The following CLXN variants were observed in gnomAD, a reference collection of about 807,000 sequenced individuals.
CLXN encodes calaxin.
chr8:48,720,812 G>A, the CLXN span, among the ~76,000 whole-genome samples: 1 of 152,128 alleles, frequency 6.6e-6, no homozygotes, highest in Non-Finnish European at 1.5e-5. Context: ...TGAGACTCAG[G>A]TGGGCATCAT....
At chr8:48,734,957 G>T in the CLXN span, 2 of 968,946 alleles carry the variant, frequency 2.1e-6, no homozygotes, top group Non-Finnish European at 3.1e-6. Context: ...TGCTTAAGGG[G>T]CCGGGGTGGA....
the CLXN span, among the ~76,000 whole-genome samples, chr8:48,734,296 A>G: frequency 6.6e-6 from 1 of 152,192 alleles, no homozygotes; most frequent in African/African-American, 2.4e-5. Flanking sequence ...GCTCGACAGG[A>G]AATTATCTTC....
At chr8:48,731,301 T>C in the CLXN span, 16 of 1,524,074 alleles carry the variant, frequency 1.0e-5, no homozygotes, top group East Asian at 2.4e-5. Context: ...CCTTTTTTTT[T>C]CAGTTATGGC....
chr8:48,726,503 T>A, the CLXN span, among the ~76,000 whole-genome samples: 2 of 138,668 alleles, frequency 1.4e-5, no homozygotes, highest in African/African-American at 5.5e-5. Context: ...CATCCATCCA[T>A]CCATCCATCC....
the CLXN span, among the ~76,000 whole-genome samples, chr8:48,732,975 G>A: frequency 3.3e-5 from 5 of 152,272 alleles, no homozygotes; most frequent in East Asian, 9.6e-4. Context: ...CATTTAATGG[G>A]TAGAGTTTCC....
At chr8:48,729,020 T>C in the CLXN span, 14 of 1,570,380 alleles carry the variant, frequency 8.9e-6, no homozygotes, top group East Asian at 3.2e-4. Context: ...TGATTACCGT[T>C]CAGGGAAAGT....
chr8:48,722,258 T>C, the CLXN span, among the ~76,000 whole-genome samples: 1 of 152,168 alleles, frequency 6.6e-6, no homozygotes, highest in East Asian at 1.9e-4. Context: ...CAGAGGCTAT[T>C]ATCACTAAGA....
the CLXN span, among the ~76,000 whole-genome samples, chr8:48,732,552 T>A: frequency 6.6e-6 from 1 of 152,308 alleles, no homozygotes; most frequent in African/African-American, 2.4e-5. Context: ...TGTTAGTCAC[T>A]GTGGAAAACA....
At chr8:48,719,058 A>G in the CLXN span, among the ~76,000 whole-genome samples, 8 of 152,116 alleles carry the variant, frequency 5.3e-5, no homozygotes, top group East Asian at 7.7e-4. Flanking sequence ...AGACTAAGAA[A>G]AAAAAAAGAC....
At chr8:48,727,960 G>A in the CLXN span, among the ~76,000 whole-genome samples, 7 of 152,182 alleles carry the variant, frequency 4.6e-5, no homozygotes, top group Non-Finnish European at 1.0e-4. Flanking sequence ...CTGGGCGTAT[G>A]TGGTTGCCAC....
At chr8:48,730,429 A>C in the CLXN span, 1 of 584,126 alleles carries the variant, frequency 1.7e-6, no homozygotes, top group East Asian at 3.2e-5. Context: ...AAACCAACTA[A>C]CCAGCCAACC....
At chr8:48,731,520 GA>G in the CLXN span, 1 of 1,570,648 alleles carries the variant, frequency 6.4e-7, no homozygotes, top group Non-Finnish European at 8.6e-7. Flanking sequence ...TAATAAAATA[GA>G]TATAACAAAA....
At chr8:48,733,490 CT>C in the CLXN span, among the ~76,000 whole-genome samples, 1 of 152,294 alleles carries the variant, frequency 6.6e-6, no homozygotes, top group South Asian at 2.1e-4. Flanking sequence ...ATCTTTCACT[CT>C]TCTTTGATTC....
chr8:48,715,887 A>G, the CLXN span: 1 of 152,286 alleles, frequency 6.6e-6, no homozygotes, highest in African/African-American at 2.4e-5. Flanking sequence ...AACCAACCCC[A>G]AAGAAATGGA....
At chr8:48,728,913 T>G in the CLXN span, 1 of 586,184 alleles carries the variant, frequency 1.7e-6, no homozygotes, top group Non-Finnish European at 2.9e-6. Context: ...TTCAGTGGGC[T>G]TTCTGTATTT....
chr8:48,717,989 A>C, the CLXN span, among the ~76,000 whole-genome samples: 19 of 152,324 alleles, frequency 1.2e-4, no homozygotes, highest in East Asian at 2.5e-3. Context: ...ATAGTTATTA[A>C]TGGTTGCTTT....
chr8:48,722,383 ATTAAAAG>A, the CLXN span, among the ~76,000 whole-genome samples: 1 of 152,204 alleles, frequency 6.6e-6, no homozygotes, highest in South Asian at 2.1e-4. Flanking sequence ...TCTTCACAAA[ATTAAAAG>A]TGGGACTACC....
At chr8:48,729,226 T>C in the CLXN span, 5 of 1,197,380 alleles carry the variant, frequency 4.2e-6, no homozygotes, top group South Asian at 7.1e-5. Flanking sequence ...CAAGTGTTAA[T>C]TTAAAAAAAT....
At chr8:48,731,365 T>C in the CLXN span, 75 of 1,612,318 alleles carry the variant, frequency 4.7e-5, no homozygotes, top group Non-Finnish European at 6.3e-5. Flanking sequence ...CATAATCATG[T>C]CATCTGTCAT....
Sources: allele counts gnomAD v4.1 joint callset (sites outside exome capture counted in the v4.1 genomes callset), GRCh38; gene constraint gnomAD v4.1.1; transcripts MANE v1.5; gene names NCBI Gene and HGNC (gene_info 2026-07-23, HGNC 2026-07-21).